The following OMA1 variants were observed in gnomAD, a reference collection of about 807,000 sequenced individuals.
OMA1 encodes metalloendopeptidase OMA1, mitochondrial.
In OMA1, 38 loss-of-function variants were observed where a neutral mutation model predicts 30.9. The ratio of observed to expected loss-of-function variants is 1.23; its 90% CI spans 0.95 to 1.61. The LOEUF is 1.61. Ranked by LOEUF, OMA1 falls within the 40% of genes most tolerant of loss-of-function variation. OMA1 has a pLI of 0.00. For synonymous variants in OMA1, 173 were observed against 121.9 expected (o/e 1.42, Z -2.76); for missense variants, 461 against 349.2 (o/e 1.32, Z -2.55).
intron 8 of OMA1, among the ~76,000 whole-genome samples, chr1:58,503,290 A>G (rs1645936509): frequency 6.6e-6 from 1 of 152,330 alleles, no homozygotes; most frequent in East Asian, 1.9e-4. Context: ...GGCCTTGGAT[A>G]GCACAAAGGA....
Position 58,539,286 on chromosome 1 carries a change from G to A in OMA1, c.9C>T (p.Phe3=). MS[F]ICGLQSAARN... is the part of the protein sequence containing the mutation. The stretch of plus-strand genomic sequence containing the variant: ...TAGCAGCAGACTGCAATCCACAGAT[G>A]AAGCTCATTTTTTCACTTGACTACC... The change falls in exon 2 of 9, where the codon TTC becomes TTT. Residue 3 remains phenylalanine, a synonymous_variant. Coordinates refer to ENST00000371226, the MANE Select transcript of OMA1 (RefSeq NM_145243.5). 2 of 830,370 alleles carry A rather than the reference G, an allele frequency of 2.4e-6. No individual in the cohort carries two copies. Among genetic ancestry groups the A allele is most frequent in the South Asian group, 1.4e-5 (1 of 69,608 alleles). 51.4% of individuals were successfully genotyped at this position (830,370 alleles called of 1,614,324 possible).
At chr1:58,543,628 A>G (rs1300652071) in intron 1 of OMA1, among the ~76,000 whole-genome samples, 1 of 152,224 alleles carries the variant, frequency 6.6e-6, no homozygotes, top group Non-Finnish European at 1.5e-5. Context: ...TCCTACCCCG[A>G]CAATTAACAT....
chr1:58,530,948 C>G (rs1197749822), intron 5 of OMA1, among the ~76,000 whole-genome samples: 1 of 152,062 alleles, frequency 6.6e-6, no homozygotes, highest in Non-Finnish European at 1.5e-5. Context: ...ATCTACTAAG[C>G]CACTTACTAT....
chr1:58,499,477 T>TATAGATAAATAG (rs1553122689), intron 8 of OMA1, among the ~76,000 whole-genome samples: 2 of 143,662 alleles, frequency 1.4e-5, no homozygotes, highest in Non-Finnish European at 3.0e-5. Flanking sequence ...AAAGCCAGAC[T>TATAGATAAATAG]ATAGATAGAT....
At chr1:58,508,810 A>G (rs961185197) in intron 7 of OMA1, among the ~76,000 whole-genome samples, 1 of 152,120 alleles carries the variant, frequency 6.6e-6, no homozygotes, top group Non-Finnish European at 1.5e-5. Flanking sequence ...TGAGTTGGAG[A>G]GAAACTCCAG....
At chr1:58,513,662 T>C (rs1646116089) in intron 7 of OMA1, among the ~76,000 whole-genome samples, 2 of 152,196 alleles carry the variant, frequency 1.3e-5, no homozygotes, top group South Asian at 4.1e-4. Flanking sequence ...GAATCAGAAA[T>C]ATCTGGGTTC....
chr1:58,510,412 C>G (rs1470089169), intron 7 of OMA1, among the ~76,000 whole-genome samples: 1 of 151,800 alleles, frequency 6.6e-6, no homozygotes, highest in Non-Finnish European at 1.5e-5. Flanking sequence ...AAGCACTTGA[C>G]AAAATTAAAC....
At chr1:58,527,224 A>G (rs1361076681) in intron 7 of OMA1, 37 bp downstream of exon 7, 2 of 861,592 alleles carry the variant, frequency 2.3e-6, no homozygotes, top group South Asian at 2.6e-5. Context: ...TCAGCCTGGG[A>G]AGGGCATTAT....
intron 8 of OMA1, among the ~76,000 whole-genome samples, chr1:58,504,453 C>T (rs1332653743): frequency 2.6e-5 from 4 of 152,130 alleles, no homozygotes; most frequent in Non-Finnish European, 4.4e-5. Flanking sequence ...CCTTGACAAC[C>T]GAACATAGAC....
At chr1:58,499,734 T>C (rs1441102667) in intron 8 of OMA1, among the ~76,000 whole-genome samples, 1 of 152,224 alleles carries the variant, frequency 6.6e-6, no homozygotes, top group African/African-American at 2.4e-5. Flanking sequence ...TATACAGATA[T>C]TGAAACATCA....
intron 8 of OMA1, 40 bp downstream of exon 8, chr1:58,506,020 C>T (rs556853088): frequency 1.2e-6 from 1 of 805,664 alleles, no homozygotes; most frequent in Non-Finnish European, 2.2e-6. Context: ...ATAAATGATA[C>T]AGTAAAAATA....
chr1:58,525,097 T>A (rs1646329048), intron 7 of OMA1, among the ~76,000 whole-genome samples: 1 of 152,224 alleles, frequency 6.6e-6, no homozygotes, highest in Non-Finnish European at 1.5e-5. Context: ...GCACCATGTA[T>A]GGTCTGTGTA....
At chr1:58,535,354 G>A (rs1646499569) in intron 3 of OMA1, among the ~76,000 whole-genome samples, 1 of 152,096 alleles carries the variant, frequency 6.6e-6, no homozygotes, top group African/African-American at 2.4e-5. Flanking sequence ...TGTAATCCCA[G>A]CACTTTAGGA....
intron 7 of OMA1, among the ~76,000 whole-genome samples, chr1:58,513,015 A>T (rs1433513690): frequency 6.6e-6 from 1 of 152,142 alleles, no homozygotes. Flanking sequence ...ATTATAGAAA[A>T]CTAAGAACTT....
chr1:58,484,675 T>G (rs1645544432), intron 8 of OMA1, among the ~76,000 whole-genome samples: 1 of 152,178 alleles, frequency 6.6e-6, no homozygotes, highest in Non-Finnish European at 1.5e-5. Flanking sequence ...AAGATTTCCT[T>G]CGATAGGTGA....
chr1:58,546,371 G>A (rs1367885428), intron 1 of OMA1, among the ~76,000 whole-genome samples: 1 of 152,198 alleles, frequency 6.6e-6, no homozygotes, highest in East Asian at 1.9e-4. Context: ...CGGGCTGAGG[G>A]GGAGGGCAGG....
intron 7 of OMA1, among the ~76,000 whole-genome samples, chr1:58,523,081 C>T (rs1362743112): frequency 1.3e-5 from 2 of 152,160 alleles, no homozygotes; most frequent in African/African-American, 4.8e-5. Flanking sequence ...TGTTTTCTGG[C>T]ACTACTATGT....
At chr1:58,515,245 C>G (rs1466547275) in intron 7 of OMA1, among the ~76,000 whole-genome samples, 1 of 152,140 alleles carries the variant, frequency 6.6e-6, no homozygotes, top group East Asian at 1.9e-4. Context: ...ATAATTTCAG[C>G]TAAGCCATTC....
At chr1:58,491,677 C>A (rs1204310294) in intron 8 of OMA1, among the ~76,000 whole-genome samples, 1 of 152,154 alleles carries the variant, frequency 6.6e-6, no homozygotes, top group African/African-American at 2.4e-5. Context: ...AAGGCCACTA[C>A]ATAATGGTAA....
Sources: gnomAD v4.1 joint callset for allele counts (sites outside exome capture counted in the v4.1 genomes callset) on GRCh38, gnomAD v4.1.1 for gene constraint, MANE v1.5 for transcripts, NCBI Gene and HGNC (gene_info 2026-07-23, HGNC 2026-07-21) for gene names.